Variants in PTPRF observed in about 807,000 individuals in gnomAD.
PTPRF encodes the protein receptor-type tyrosine-protein phosphatase F.
In PTPRF, 59 loss-of-function variants were observed where a neutral mutation model predicts 201.8. The observed-to-expected ratio is 0.29, with a 90% CI of 0.24 to 0.36. The LOEUF (loss-of-function observed/expected upper bound fraction) is 0.36, where lower values mean the gene tolerates loss of function less well. Ranked by LOEUF, PTPRF falls within the 10% of genes least tolerant of loss-of-function variation. The pLI is 1.00. For missense variants in PTPRF, 2,132 were observed against 2,690.5 expected, an observed-to-expected ratio of 0.79 and a Z score of 4.59; for synonymous variants, 1,088 against 1,089.7, an observed-to-expected ratio of 1.00 and a Z score of 0.03.
In PTPRF at chr1:43,592,517, C is replaced by T. The variant is rs1057374443; in HGVS notation, c.1729C>T (p.Leu577Phe). 1.2e-6 allele frequency: 2 copies of T among 1,612,936 alleles called. No homozygotes were observed. The highest frequency in any genetic ancestry group is 1.7e-6 in the Non-Finnish European group (2 of 1,179,652). ...YTLEDLKPDTLYRFQLAARSD... is the reference protein window; with the variant it reads ...YTLEDLKPDTFYRFQLAARSD... ...ACTAGAGGACCTGAAGCCTGACACACTCTACCGCTTCCAGCTGGCTGCACG... is the reference window on the plus strand; with the variant it reads ...ACTAGAGGACCTGAAGCCTGACACATTCTACCGCTTCCAGCTGGCTGCACG... The change falls in exon 11 of 34, where the codon CTC becomes TTC. Residue 577 changes from leucine (L) to phenylalanine (F), a missense_variant. Leu to Phe is a conservative substitution (Grantham distance 22, BLOSUM62 0). Around this residue, in one of 6 missense-constraint regions of PTPRF, gnomAD observed 351 missense variants for 401.7 expected, o/e 0.87. Transcript: ENST00000359947.
chr1:43,615,629 T>A (rs561350234), intron 23 of PTPRF, among the ~76,000 whole-genome samples: 5 of 142,552 alleles, frequency 3.5e-5, no homozygotes, highest in Admixed American at 7.3e-5. Flanking sequence ...TGCAGTGGCG[T>A]GATCTCGGCT....
chr1:43,543,977 C>G (rs1570944466), intron 2 of PTPRF, among the ~76,000 whole-genome samples: 1 of 152,186 alleles, frequency 6.6e-6, no homozygotes, highest in African/African-American at 2.4e-5. Flanking sequence ...GAGAGAGACC[C>G]TGGGGAGCTC....
chr1:43,620,997 G>A lies in PTPRF; in HGVS notation c.5519+5G>A. On this transcript the variant is annotated splice_donor_5th_base_variant and intron_variant, in intron 32 of 33. Transcript: ENST00000359947. Reference sequence around the variant, plus strand: ...GCCTATCACGGTGCACTGCAGGTGGGACTGGCCCCCTGGAGGGCTGGGGTG... The same window carrying A: ...GCCTATCACGGTGCACTGCAGGTGGAACTGGCCCCCTGGAGGGCTGGGGTG... 2 of 1,612,612 alleles carry A rather than the reference G, an allele frequency of 1.2e-6. No homozygotes were observed. The highest frequency in any genetic ancestry group is 1.7e-6 in the Non-Finnish European group (2 of 1,179,022).
intron 2 of PTPRF, 137 bp downstream of exon 2, chr1:43,538,414 T>G: frequency 2.5e-6 from 1 of 396,892 alleles, no homozygotes; most frequent in African/African-American, 2.1e-5. Context: ...CATGATCCAG[T>G]GTGCACTGGT....
At position 43,611,142 on chromosome 1, in the gene PTPRF, C is replaced by G. The variant is rs542157257; in HGVS notation, c.3973+1644C>G. The stretch of plus-strand genomic sequence containing the variant: ...GTCAGCTGGGACACCCAACATGAGG[C>G]TTCTTCAGGTGGCCTGGGCTTCCTC... On this transcript the variant is annotated intron_variant, in intron 22 of 33. Transcript: ENST00000359947. Among the ~76,000 whole-genome samples, 5 of 152,360 alleles carry G rather than the reference C, an allele frequency of 3.3e-5. No homozygotes were observed. In the South Asian group the frequency reaches 1.0e-3, roughly 32 times the overall value.
rs531509547 is a variant in PTPRF, at chr1:43,617,729, T to C, written c.4196-7T>C. The C allele has an allele frequency of 1.9e-6, 3 of 1,610,978 alleles. No homozygotes were observed. Among genetic ancestry groups the C allele is most frequent in the South Asian group, 2.2e-5 (2 of 90,928 alleles). ...TAATGCCCTCCCACCTCCTTTCTTATCCATAGGCGTCCCCGGGAGTGACTA... is the reference window on the plus strand; with the variant it reads ...TAATGCCCTCCCACCTCCTTTCTTACCCATAGGCGTCCCCGGGAGTGACTA... On this transcript the variant is annotated splice_polypyrimidine_tract_variant and splice_region_variant and intron_variant, in intron 24 of 33. Coordinates refer to ENST00000359947, the MANE Select transcript of PTPRF (RefSeq NM_002840.5).
intron 23 of PTPRF, among the ~76,000 whole-genome samples, chr1:43,614,394 C>T (rs1291187968): frequency 6.6e-6 from 1 of 152,224 alleles, no homozygotes; most frequent in Non-Finnish European, 1.5e-5. Flanking sequence ...TGGAGCCCTC[C>T]ACACGTTCAT....
chr1:43,545,147 G>C lies in PTPRF; in HGVS notation c.72G>C (p.Val24=), dbSNP rs367985690. Residue 24 remains valine (V), a synonymous_variant, in exon 3 of 34, where the codon GTG becomes GTC. Transcript: ENST00000359947. Reference sequence around the variant, plus strand: ...CTGCACTGGTGATGCTTGGTTTGGTGGCAGGCGCCCATGGTGACAGTAAGT... The same window carrying C: ...CTGCACTGGTGATGCTTGGTTTGGTCGCAGGCGCCCATGGTGACAGTAAGT... ...LVPALVMLGL[V]AGAHGDSKPV... 1.3e-6 allele frequency: 2 copies of C among 1,583,956 alleles called. No homozygotes were observed. Among genetic ancestry groups the C allele is most frequent in the African/African-American group, 2.7e-5 (2 of 74,142 alleles).
chr1:43,574,640 T>G (rs1476361956), intron 6 of PTPRF, among the ~76,000 whole-genome samples: 1 of 152,220 alleles, frequency 6.6e-6, no homozygotes, highest in Non-Finnish European at 1.5e-5. Flanking sequence ...AATTTCTTAG[T>G]ATTATGAAAA....
At chr1:43,589,938 GT>G (rs1650219835) in intron 8 of PTPRF, among the ~76,000 whole-genome samples, 2 of 151,872 alleles carry the variant, frequency 1.3e-5, no homozygotes, top group Non-Finnish European at 1.5e-5. Context: ...TCCATTATCT[GT>G]TTTGCAGCTT....
chr1:43,620,605 A>G, intron 31 of PTPRF, 26 bp downstream of exon 31: 2 of 1,609,048 alleles, frequency 1.2e-6, no homozygotes, highest in Non-Finnish European at 1.7e-6. Context: ...GAGTGTGTCC[A>G]TAACGCTGCC....
At chr1:43,620,609 C>T (rs749731403) in intron 31 of PTPRF, 30 bp downstream of exon 31, 27 of 1,606,932 alleles carry the variant, frequency 1.7e-5, no homozygotes, top group Non-Finnish European at 1.9e-5. Context: ...GTGTCCATAA[C>T]GCTGCCTGTC....
At chr1:43,551,178 G>C (rs1462898403) in intron 3 of PTPRF, among the ~76,000 whole-genome samples, 1 of 152,132 alleles carries the variant, frequency 6.6e-6, no homozygotes, top group Non-Finnish European at 1.5e-5. Flanking sequence ...GGCCAGTGGA[G>C]TGCCAGTCAA....
In PTPRF at chr1:43,569,746, C is replaced by CG; in HGVS notation, c.537dup (p.Ser180GlufsTer19). The CG allele has an allele frequency of 6.2e-7, 1 of 1,612,964 alleles. No individual in the cohort carries two copies. Among genetic ancestry groups the CG allele is most frequent in the Non-Finnish European group, 8.5e-7 (1 of 1,179,272 alleles). ...GACTTCCTTCCTGTAGACCCTGCCA[C>CG]GAGCAACGGCCGCATCAAGCAGCTG... On this transcript the variant is annotated frameshift_variant, in exon 6 of 34. Coordinates refer to ENST00000359947, the MANE Select transcript of PTPRF (RefSeq NM_002840.5). LOFTEE classifies it high-confidence loss of function.
chr1:43,583,225 T>A, intron 7 of PTPRF: 1 of 628,722 alleles, frequency 1.6e-6, no homozygotes, highest in Non-Finnish European at 2.0e-6. Context: ...CTCTGTTGTT[T>A]GGGCCGGCGG....
At chr1:43,560,321 T>C (rs1403754560) in intron 5 of PTPRF, among the ~76,000 whole-genome samples, 1 of 151,990 alleles carries the variant, frequency 6.6e-6, no homozygotes, top group Non-Finnish European at 1.5e-5. Flanking sequence ...GTGTGGTGCA[T>C]ACAGCAGGTG....
In PTPRF at chr1:43,620,972, G is replaced by T. The variant is rs956402130; in HGVS notation, c.5499G>T (p.Gly1833=). ...HKTKEQFGQD[G]PITVHCSAGV... is the part of the protein sequence containing the mutation. ...CCAAGGAGCAGTTTGGACAGGATGG[G>T]CCTATCACGGTGCACTGCAGGTGGG... The change falls in exon 32 of 34, where the codon GGG becomes GGT. Residue 1833 remains glycine, a synonymous_variant. Transcript: ENST00000359947. The T allele has an allele frequency of 5.0e-6, 8 of 1,613,800 alleles. No individual in the cohort carries two copies. In the African/African-American group the frequency reaches 1.1e-4, roughly 22 times the overall value.
Position 43,542,027 on chromosome 1 carries a change from C to CCGCA in PTPRF, c.-45-3003_-45-3000dup, listed in dbSNP as rs1044812058. ...ATTCACAAGATGCTCAACCTCGCAA[C>CCGCA]CGCAGTCAGGCTAGCAGCAGCCCTG... On this transcript the variant is annotated intron_variant, in intron 2 of 33. Transcript: ENST00000359947. The surrounding 1 kb of genome is among the most constrained non-coding windows in gnomAD (Gnocchi z 5.2). 2.2e-4 allele frequency among the ~76,000 whole-genome samples: 33 copies of CCGCA among 152,320 alleles called. No individual in the cohort carries two copies. Among genetic ancestry groups the CCGCA allele is most frequent in the African/African-American group, 7.7e-4 (32 of 41,568 alleles).
At chr1:43,609,528 C>A in intron 22 of PTPRF, 30 bp downstream of exon 22, 1 of 1,562,056 alleles carries the variant, frequency 6.4e-7, no homozygotes, top group Non-Finnish European at 8.8e-7. Flanking sequence ...TGTGTGCCCC[C>A]AGCCCAGACC....
Sources: allele counts gnomAD v4.1 joint callset (sites outside exome capture counted in the v4.1 genomes callset), GRCh38; gene constraint gnomAD v4.1.1; regional missense constraint gnomAD v4.1.1; non-coding constraint Gnocchi (gnomAD v3.1); transcripts MANE v1.5; gene names NCBI Gene and HGNC (gene_info 2026-07-23, HGNC 2026-07-21).